Variants in TMPRSS9 observed in about 807,000 individuals in gnomAD.
The protein encoded by TMPRSS9 is transmembrane protease serine 9.
A neutral mutation model predicts 111.4 loss-of-function variants in TMPRSS9; 113 were observed. The ratio of observed to expected loss-of-function variants is 1.01; its 90% confidence interval spans 0.87 to 1.19. The LOEUF (loss-of-function observed/expected upper bound fraction) is 1.19, where lower values mean the gene tolerates loss of function less well. TMPRSS9 is among the 50% of genes most tolerant of loss of function. TMPRSS9 has a pLI of 0.00. For missense variants in TMPRSS9, 1,803 were observed against 1,513.1 expected (o/e 1.19, Z -3.18); for synonymous variants, 805 against 659.1 (o/e 1.22, Z -3.39).
chr19:2,419,679 G>C (rs760081307), intron 13 of TMPRSS9, among the ~76,000 whole-genome samples: 1 of 151,946 alleles, frequency 6.6e-6, no homozygotes, highest in Non-Finnish European at 1.5e-5. Context: ...TCCACGTCCA[G>C]CTAATTTTTG....
At chr19:2,418,068 T>C in exon 13 of TMPRSS9, 1 of 1,612,382 alleles carries the variant, frequency 6.2e-7, no homozygotes, top group Non-Finnish European at 8.5e-7. Flanking sequence ...TGTAGTGTGC[T>C]CTACAACTTC....
chr19:2,402,991 G>C lies in TMPRSS9; in HGVS notation c.557-91G>C. 5 of 887,108 alleles carry C rather than the reference G, an allele frequency of 5.6e-6. No individual in the cohort carries two copies. The African/African-American group carries it at 8.3e-5, about 15-fold the overall frequency. The allele number at this position is 887,108 out of a possible 1,614,324, so 55.0% of individuals were successfully genotyped here. On this transcript the variant is annotated intron_variant, in intron 5 of 17. Coordinates refer to ENST00000648592, the Ensembl canonical transcript of TMPRSS9. Reference sequence around the variant, plus strand: ...GGAGAGAGAGAGTTTCCACATTTCCGTACCCTGGTGGTACTAAGTATAGCA... The same window carrying C: ...GGAGAGAGAGAGTTTCCACATTTCCCTACCCTGGTGGTACTAAGTATAGCA...
chr19:2,397,550 A>G (rs1396765658), intron 2 of TMPRSS9, among the ~76,000 whole-genome samples: 1 of 152,160 alleles, frequency 6.6e-6, no homozygotes. Flanking sequence ...TTATATTTTA[A>G]TGAAAAAATA....
intron 1 of TMPRSS9, among the ~76,000 whole-genome samples, chr19:2,361,778 CA>C (rs1970201276): frequency 6.6e-6 from 1 of 152,120 alleles, no homozygotes; most frequent in Admixed American, 6.5e-5. Flanking sequence ...CAGAGGTTGC[CA>C]GAGGTTTTGG....
Position 2,413,871 on chromosome 19 carries a change from C to G in TMPRSS9, c.1426C>G (p.Leu476Val), listed in dbSNP as rs770573661. The G allele has an allele frequency of 2.5e-6, 4 of 1,613,644 alleles. No homozygotes were observed. In the Admixed American group the frequency reaches 5.0e-5, roughly 20 times the overall value. Residue 476 changes from leucine (L) to valine (V), a missense_variant, in exon 10 of 18, where the codon CTG becomes GTG. Transcript: ENST00000648592. ...GGCCACCACCAAAGCCAGCATGCCT[C>G]TGGCCCCCACCATGGCTCCTGCCCC...
At chr19:2,409,476 CTAAA>C (rs1971050870) in intron 8 of TMPRSS9, among the ~76,000 whole-genome samples, 1 of 152,068 alleles carries the variant, frequency 6.6e-6, no homozygotes, top group Admixed American at 6.6e-5. Flanking sequence ...AAATGCACAT[CTAAA>C]TAGTCACCTG....
intron 8 of TMPRSS9, among the ~76,000 whole-genome samples, chr19:2,408,837 A>G (rs577801675): frequency 1.9e-4 from 29 of 150,518 alleles, no homozygotes; most frequent in Non-Finnish European, 3.7e-4. Flanking sequence ...CACACACACA[A>G]AATTAGCCAG....
chr19:2,418,346 T>TCCC (rs375110650), intron 13 of TMPRSS9, among the ~76,000 whole-genome samples: 1,720 of 29,056 alleles, frequency 0.059, 382 homozygotes, highest in African/African-American at 0.28. Context: ...CTTCCCTCCC[T>TCCC]TTCCCTCCCT....
chr19:2,405,498 C>T, exon 7 of TMPRSS9: 1 of 1,604,344 alleles, frequency 6.2e-7, no homozygotes, highest in South Asian at 1.1e-5. Context: ...GTGGGGCCGC[C>T]ATCATCAACG....
exon 11 of TMPRSS9, chr19:2,415,692 G>A (rs1387099379): frequency 1.9e-6 from 3 of 1,604,442 alleles, no homozygotes; most frequent in Non-Finnish European, 2.6e-6. Flanking sequence ...GGCCTGCAAT[G>A]GAGAAGCCCA....
At chr19:2,384,142 C>T (rs928040354) in intron 1 of TMPRSS9, among the ~76,000 whole-genome samples, 1 of 152,172 alleles carries the variant, frequency 6.6e-6, no homozygotes, top group Non-Finnish European at 1.5e-5. Flanking sequence ...CCCCCAGCTT[C>T]CTTTTCTGTG....
Position 2,415,704 on chromosome 19 carries a change from C to T in TMPRSS9, c.1608C>T (p.Thr536=), listed in dbSNP as rs779451560. The change falls in exon 11 of 18, where the codon ACC becomes ACT. Residue 536 remains threonine, a synonymous_variant. Coordinates refer to ENST00000648592, the Ensembl canonical transcript of TMPRSS9. ...CCAGGCCTGCAATGGAGAAGCCCAC[C>T]CGGGTCGTGGGCGGGTTCGGAGCTG... 1.9e-6 allele frequency: 3 copies of T among 1,607,304 alleles called. No homozygotes were observed. The South Asian group carries it at 3.3e-5, about 18-fold the overall frequency.
At chr19:2,412,229 TACAAAAACAAAA>T (rs72560533) in intron 9 of TMPRSS9, among the ~76,000 whole-genome samples, 2 of 150,876 alleles carry the variant, frequency 1.3e-5, no homozygotes, top group East Asian at 2.0e-4. Flanking sequence ...CTTTTGTCTC[TACAAAAACAAAA>T]ACAAAAACAA....
chr19:2,401,642 C>T (rs1237115790), intron 4 of TMPRSS9, among the ~76,000 whole-genome samples: 1 of 151,926 alleles, frequency 6.6e-6, no homozygotes, highest in Admixed American at 6.6e-5. Context: ...GAGTCTCGCT[C>T]TGTCGCCCAG....
intron 4 of TMPRSS9, among the ~76,000 whole-genome samples, chr19:2,399,791 C>A (rs886500905): frequency 6.6e-6 from 1 of 152,048 alleles, no homozygotes; most frequent in Non-Finnish European, 1.5e-5. Context: ...AGTCTTGGCT[C>A]ACTGCAGCTT....
At chr19:2,423,088 G>C (rs1433523976) in intron 14 of TMPRSS9, among the ~76,000 whole-genome samples, 1 of 151,746 alleles carries the variant, frequency 6.6e-6, no homozygotes, top group Non-Finnish European at 1.5e-5. Context: ...TGAAAGCAGG[G>C]ACTTTGATGG....
Position 2,368,508 on chromosome 19 carries a change from G to C in TMPRSS9, c.-26+8148G>C, listed in dbSNP as rs546254977. On this transcript the variant is annotated intron_variant, in intron 1 of 17. Transcript: ENST00000649857. ...GAGGGAGGGGTTGGAGATGAGGACAGTTAGACCCGGTCGCTGTGGGGAGGT... is the reference window on the plus strand; with the variant it reads ...GAGGGAGGGGTTGGAGATGAGGACACTTAGACCCGGTCGCTGTGGGGAGGT... Among the ~76,000 whole-genome samples the C allele has an allele frequency of 3.0e-3, 455 of 152,260 alleles. 3 individuals carry two copies. Among genetic ancestry groups the C allele is most frequent in the African/African-American group, 0.011 (440 of 41,552 alleles).
intron 14 of TMPRSS9, 29 bp downstream of exon 15, chr19:2,422,276 G>C: frequency 6.7e-7 from 1 of 1,492,896 alleles, no homozygotes; most frequent in Non-Finnish European, 8.9e-7. Context: ...GGATCCCTGG[G>C]AGTGGAGGGT....
chr19:2,421,295 A>ATT (rs199810368), intron 13 of TMPRSS9, among the ~76,000 whole-genome samples: 19 of 146,446 alleles, frequency 1.3e-4, no homozygotes, highest in South Asian at 4.3e-4. Context: ...TTATTTATTT[A>ATT]TTTTTTTTTT....
Sources: allele counts gnomAD v4.1 joint callset (sites outside exome capture counted in the v4.1 genomes callset), GRCh38; gene constraint gnomAD v4.1.1; transcripts MANE v1.5; gene names NCBI Gene and HGNC (gene_info 2026-07-23, HGNC 2026-07-21).